Variants in MYL6B observed in about 807,000 individuals in gnomAD.
MYL6B encodes myosin light chain 6B, also known as myosin alkali light chain 1 slow a.
Under a neutral mutation model 24.5 loss-of-function variants are expected in MYL6B, and 19 were observed. The ratio of observed to expected loss-of-function variants is 0.78; its 90% CI spans 0.54 to 1.14. The LOEUF (loss-of-function observed/expected upper bound fraction) is 1.14. Ranked by LOEUF, MYL6B falls within the 50% of genes most tolerant of loss-of-function variation. The pLI is 0.00. For synonymous variants in MYL6B, 90 were observed against 100.7 expected, an observed-to-expected ratio of 0.89 and a Z score of 0.64; for missense variants, 230 against 263.8, an observed-to-expected ratio of 0.87 and a Z score of 0.89.
intron 1 of MYL6B, chr12:56,153,328 G>T (rs1166955345): frequency 9.1e-6 from 6 of 659,022 alleles, no homozygotes; most frequent in African/African-American, 2.0e-5. Context: ...TCTTGGCTGG[G>T]TGGGGGCTCA....
At chr12:56,153,480 T>A (rs927784178) in intron 1 of MYL6B, 15 of 986,992 alleles carry the variant, frequency 1.5e-5, no homozygotes, top group Non-Finnish European at 1.7e-5. Context: ...CTTTAACTTG[T>A]TCCAGTTCAC....
Position 56,154,094 on chromosome 12 carries a change from T to C in MYL6B, c.174+2T>C, listed in dbSNP as rs774305822. 1.2e-5 allele frequency: 20 copies of C among 1,609,916 alleles called. No individual in the cohort carries two copies. The highest frequency in any genetic ancestry group is 1.6e-5 in the Non-Finnish European group (19 of 1,178,074). ...CCAGTCGATCTCTCCAAAGTGGTGG[T>C]GAGTCTCTGGAAAGTGAAGATAGAA... On this transcript the variant is annotated splice_donor_variant, in intron 2 of 6. Transcript: ENST00000553066. LOFTEE classifies it high-confidence loss of function.
exon 7 of MYL6B, chr12:56,157,850 C>T: frequency 8.2e-7 from 1 of 1,213,902 alleles, no homozygotes; most frequent in South Asian, 1.4e-5. Flanking sequence ...GCACGGGCTC[C>T]AGCGCTTCGC....
At position 56,153,354 on chromosome 12, in the gene MYL6B, A is replaced by G. The variant is rs1871181371; in HGVS notation, c.-46-519A>G. 4.6e-6 allele frequency: 4 copies of G among 867,412 alleles called. No homozygotes were observed. The African/African-American group carries it at 5.5e-5, about 12-fold the overall frequency. 53.7% of individuals were successfully genotyped at this position (867,412 alleles called of 1,614,324 possible). A position where few individuals can be genotyped will look rare whatever the true frequency, so the allele number is the denominator to read the frequency against. On this transcript the variant is annotated intron_variant, in intron 1 of 6. Coordinates refer to ENST00000553066, the Ensembl canonical transcript of MYL6B. ...TGGGGGCTCAGGAACTACAAGTATT[A>G]GGGATCATTAGACTCTAAGGTTAAC... is the stretch of plus-strand genomic sequence containing the variant.
rs549975793 is a variant in MYL6B, at chr12:56,153,622, T to C, written c.-46-251T>C. 6.9e-5 allele frequency: 24 copies of C among 348,084 alleles called. No homozygotes were observed. The South Asian group carries it at 2.3e-3, about 33-fold the overall frequency. 21.6% of individuals were successfully genotyped at this position (348,084 alleles called of 1,614,324 possible). A position where few individuals can be genotyped will look rare whatever the true frequency, so the allele number is the denominator to read the frequency against. On this transcript the variant is annotated intron_variant, in intron 1 of 6. Transcript: ENST00000553066. ...TCCTATCCTCACCCTGGAGGTTAAC[T>C]ACCTCATTCTGGGCAGTCTCTGGCT...
intron 6 of MYL6B, 48 bp from the exon 7 acceptor site, chr12:56,157,650 T>G (rs1762542477): frequency 1.2e-6 from 2 of 1,613,298 alleles, no homozygotes; most frequent in African/African-American, 2.7e-5. Context: ...TCAGATGTAT[T>G]ATCCAAAGGC....
At chr12:56,154,886 T>TG (rs1871247814) in intron 3 of MYL6B, 46 bp downstream of exon 3, 1 of 1,596,236 alleles carries the variant, frequency 6.3e-7, no homozygotes, top group Admixed American at 1.8e-5. Flanking sequence ...CCCAATCCCC[T>TG]GGTCAGATTC....
intron 5 of MYL6B, chr12:56,155,793 A>C: frequency 6.7e-7 from 1 of 1,501,130 alleles, no homozygotes; most frequent in Non-Finnish European, 8.8e-7. Flanking sequence ...TCCGGAGGGC[A>C]GAGGAAAAGG....
At chr12:56,154,540 C>G (rs1871233746) in intron 2 of MYL6B, among the ~76,000 whole-genome samples, 1 of 152,190 alleles carries the variant, frequency 6.6e-6, no homozygotes, top group Non-Finnish European at 1.5e-5. Context: ...TGTTCAGCCC[C>G]CAGTTATGTG....
intron 1 of MYL6B, chr12:56,153,539 A>C: frequency 3.2e-6 from 3 of 941,756 alleles, no homozygotes; most frequent in South Asian, 9.7e-5. Flanking sequence ...AAGAAGACTA[A>C]AGCTGCTGGA....
Position 56,157,868 on chromosome 12 carries a change from G to A in MYL6B, c.*142G>A, listed in dbSNP as rs940094373. ...CGGGCTCCAGCGCTTCGCAACTTTG[G>A]TTTTTTTCCACAGATCCAGTGGGGT... On this transcript the variant is annotated 3_prime_UTR_variant, in exon 7 of 7. Coordinates refer to ENST00000553066, the Ensembl canonical transcript of MYL6B. 9.5e-7 allele frequency: 1 copy of A among 1,050,786 alleles called. No homozygotes were observed. The highest frequency in any genetic ancestry group is 1.5e-5 in the South Asian group (1 of 65,418). The allele number at this position is 1,050,786 out of a possible 1,614,324, so 65.1% of individuals were successfully genotyped here.
chr12:56,155,716 G>T, intron 5 of MYL6B, 124 bp downstream of exon 5: 2 of 1,556,294 alleles, frequency 1.3e-6, no homozygotes, highest in Non-Finnish European at 1.7e-6. Context: ...GTCGGCAGGA[G>T]ACTGAGAAGG....
At chr12:56,154,185 A>G in intron 2 of MYL6B, 93 bp downstream of exon 2, 5 of 1,288,608 alleles carry the variant, frequency 3.9e-6, no homozygotes, top group Non-Finnish European at 5.3e-6. Context: ...AAGGTAGGGA[A>G]TCAGTGAGCC....
chr12:56,154,748 G>A, intron 2 of MYL6B, 65 bp from the exon 3 acceptor site: 2 of 1,561,488 alleles, frequency 1.3e-6, no homozygotes, highest in Non-Finnish European at 1.7e-6. Flanking sequence ...CAGTTGGTTG[G>A]GAGGAGTGCG....
At chr12:56,153,465 C>T (rs1871185101) in intron 1 of MYL6B, 3 of 986,152 alleles carry the variant, frequency 3.0e-6, no homozygotes, top group Admixed American at 6.1e-5. Flanking sequence ...TGCTCCCAGA[C>T]CACACTTTAA....
At chr12:56,155,261 AAAG>A (rs908611133) in intron 4 of MYL6B, 63 bp downstream of exon 4, 1 of 1,559,102 alleles carries the variant, frequency 6.4e-7, no homozygotes. Context: ...TTGGTAACAA[AAAG>A]AATGAGGTGG....
chr12:56,157,524 A>G lies in MYL6B; in HGVS notation c.577A>G (p.Asn193Asp), dbSNP rs911350028. ...CGTTCTGGCAGGACACGAGGACAGCAACGGCTGCATCAACTACGAGGGTGA... is the reference window on the plus strand; with the variant it reads ...CGTTCTGGCAGGACACGAGGACAGCGACGGCTGCATCAACTACGAGGGTGA... The change falls in exon 6 of 7, where the codon AAC becomes GAC. Residue 193 changes from asparagine to aspartate, a missense_variant. Physicochemically the swap from Asn to Asp is conservative, Grantham distance 23 (BLOSUM62 1). Coordinates refer to ENST00000553066, the Ensembl canonical transcript of MYL6B. 3 of 1,613,562 alleles carry G rather than the reference A, an allele frequency of 1.9e-6. No individual in the cohort carries two copies. The African/African-American group carries it at 4.0e-5, about 22-fold the overall frequency.
At chr12:56,154,514 G>T (rs1436380174) in intron 2 of MYL6B, among the ~76,000 whole-genome samples, 4 of 152,206 alleles carry the variant, frequency 2.6e-5, no homozygotes, top group Admixed American at 6.5e-5. Flanking sequence ...TGGGGGCCAG[G>T]GGTAAATTTA....
intron 5 of MYL6B, 43 bp from the exon 6 acceptor site, chr12:56,157,424 GA>G: frequency 6.3e-7 from 1 of 1,582,224 alleles, no homozygotes; most frequent in Non-Finnish European, 8.7e-7. Flanking sequence ...CTGGGTGAGT[GA>G]AGGAGGGAAA....
Sources: allele counts gnomAD v4.1 joint callset (sites outside exome capture counted in the v4.1 genomes callset), GRCh38; gene constraint gnomAD v4.1.1; transcripts MANE v1.5; gene names NCBI Gene and HGNC (gene_info 2026-07-23, HGNC 2026-07-21).